UBXN4: variants seen among roughly 807,000 people sequenced by gnomAD.
The protein encoded by UBXN4 is UBX domain protein 4.
In UBXN4, 35 loss-of-function variants were observed where a neutral mutation model predicts 66.2. The observed-to-expected ratio is 0.53, with a 90% CI of 0.40 to 0.70. The LOEUF (loss-of-function observed/expected upper bound fraction) is 0.70. UBXN4 is among the 30% of genes least tolerant of loss of function. The pLI is 0.00. For synonymous variants in UBXN4, 203 were observed against 204.5 expected, an observed-to-expected ratio of 0.99 and a Z score of 0.06; for missense variants, 533 against 599.8, an observed-to-expected ratio of 0.89 and a Z score of 1.16.
chr2:135,744,290 C>T (rs1176529842), intron 1 of UBXN4, among the ~76,000 whole-genome samples: 4 of 152,100 alleles, frequency 2.6e-5, no homozygotes, highest in Non-Finnish European at 5.9e-5. Flanking sequence ...AAGTGGGAAA[C>T]GTTTTAGGCA....
At chr2:135,751,247 C>A (rs1479710088) in intron 2 of UBXN4, among the ~76,000 whole-genome samples, 1 of 151,174 alleles carries the variant, frequency 6.6e-6, no homozygotes, top group Non-Finnish European at 1.5e-5. Context: ...AGTGCAGTAA[C>A]GTGATCTTGG....
At chr2:135,748,413 G>A in intron 2 of UBXN4, 44 bp downstream of exon 2, 1 of 1,389,504 alleles carries the variant, frequency 7.2e-7, no homozygotes, top group South Asian at 1.5e-5. Context: ...AAATTTATAA[G>A]TATTGTCTTT....
chr2:135,754,947 C>T (rs899947561), intron 4 of UBXN4, among the ~76,000 whole-genome samples: 3 of 151,980 alleles, frequency 2.0e-5, no homozygotes, highest in Admixed American at 1.3e-4. Flanking sequence ...CCATGCCCAG[C>T]TAATTTTTGC....
intron 9 of UBXN4, 81 bp from the exon 10 acceptor site, chr2:135,776,168 C>T: frequency 2.5e-6 from 3 of 1,185,494 alleles, no homozygotes; most frequent in Non-Finnish European, 3.6e-6. Flanking sequence ...CACATTTCCA[C>T]TTCCATTTTC....
chr2:135,745,875 C>CTTTTTTTCTTTTTTTTT (rs2077204414), intron 1 of UBXN4, among the ~76,000 whole-genome samples: 1 of 74,396 alleles, frequency 1.3e-5, no homozygotes, highest in Non-Finnish European at 2.3e-5. Flanking sequence ...GTCCCGTTTA[C>CTTTTTTTCTTTTTTTTT]TTTTTTTTTT....
chr2:135,742,150 C>A, intron 1 of UBXN4, 139 bp downstream of exon 1: 1 of 1,006,016 alleles, frequency 9.9e-7, no homozygotes, highest in Non-Finnish European at 1.4e-6. Flanking sequence ...TACTACCCCG[C>A]GCCCCAGGGA....
chr2:135,751,483 T>C (rs1387724535), intron 2 of UBXN4, among the ~76,000 whole-genome samples: 1 of 151,640 alleles, frequency 6.6e-6, no homozygotes, highest in Non-Finnish European at 1.5e-5. Context: ...CCATCGTGCC[T>C]GGCCTTAAAA....
chr2:135,748,282 C>T lies in UBXN4; in HGVS notation c.98C>T (p.Ser33Phe). The T allele has an allele frequency of 6.2e-7, 1 of 1,604,248 alleles. No homozygotes were observed. The highest frequency in any genetic ancestry group is 1.1e-5 in the South Asian group (1 of 88,620). The change falls in exon 2 of 13, where the codon TCT becomes TTT. Residue 33 changes from serine to phenylalanine, a missense_variant. Around this residue, in one of 2 missense-constraint regions of UBXN4, gnomAD observed 529 missense variants for 580.1 expected, o/e 0.91. Transcript: ENST00000272638. ...VVFVAGDDEQSTQMAASWEDD... is the reference protein window; with the variant it reads ...VVFVAGDDEQFTQMAASWEDD... ...TGTTTTACAGGTGATGATGAACAGT[C>T]TACACAGATGGCTGCAAGTTGGGAA...
At chr2:135,753,313 C>G (rs375354206) in intron 2 of UBXN4, among the ~76,000 whole-genome samples, 27 of 152,272 alleles carry the variant, frequency 1.8e-4, no homozygotes, top group African/African-American at 5.3e-4. Context: ...CATGAGCCAC[C>G]ATGCCAAGCC....
At chr2:135,772,174 T>C (rs1166915173) in intron 8 of UBXN4, among the ~76,000 whole-genome samples, 1 of 151,234 alleles carries the variant, frequency 6.6e-6, no homozygotes, top group Admixed American at 6.6e-5. Flanking sequence ...GAAAAAAAAT[T>C]AGCTGGGCAT....
intron 5 of UBXN4, among the ~76,000 whole-genome samples, chr2:135,757,490 G>A (rs1403269952): frequency 6.6e-6 from 1 of 151,970 alleles, no homozygotes; most frequent in East Asian, 1.9e-4. Context: ...AGTTATAATG[G>A]CTGCTTTAAA....
rs1285646568 is a variant in UBXN4 at position 135,784,698 on chromosome 2, T to C, written c.*1811T>C. On this transcript the variant is annotated 3_prime_UTR_variant, in exon 13 of 13. Coordinates refer to ENST00000272638, the MANE Select transcript of UBXN4 (RefSeq NM_014607.4). ...CTTTTTAAAAAAGCTGTCAAATAGG[T>C]GTGACCCTACTAATAATTATTAGAA... 6.6e-6 allele frequency: 1 copy of C among 152,604 alleles called. No individual in the cohort carries two copies. Among genetic ancestry groups the C allele is most frequent in the Non-Finnish European group, 1.5e-5 (1 of 68,008 alleles). 9.5% of individuals were successfully genotyped at this position (152,604 alleles called of 1,614,324 possible). A position where few individuals can be genotyped will look rare whatever the true frequency, so the allele number is the denominator to read the frequency against.
At chr2:135,770,786 A>G (rs1464407279) in intron 8 of UBXN4, 51 bp downstream of exon 8, 2 of 1,405,544 alleles carry the variant, frequency 1.4e-6, no homozygotes, top group Non-Finnish European at 1.9e-6. Context: ...TGTGCACAGT[A>G]GCTTTAGATT....
chr2:135,754,059 A>C, intron 3 of UBXN4, 100 bp from the exon 4 acceptor site: 1 of 849,032 alleles, frequency 1.2e-6, no homozygotes, highest in South Asian at 1.7e-5. Flanking sequence ...TTATATTGTG[A>C]AAATCACAAA....
rs2077187724 is a variant in UBXN4 at position 135,743,147 on chromosome 2, CTT to C, written c.82+1138_82+1139del. 3.3e-5 allele frequency among the ~76,000 whole-genome samples: 5 copies of C among 152,158 alleles called. 1 individual carries two copies. In the South Asian group the frequency reaches 1.0e-3, roughly 32 times the overall value. Reference sequence around the variant, plus strand: ...AACTCGTCTTTTAATAGCTCTATAACTTTATGCACTGCAGTGAAGAACGAATT... The same window carrying C: ...AACTCGTCTTTTAATAGCTCTATAACTATGCACTGCAGTGAAGAACGAATT... On this transcript the variant is annotated intron_variant, in intron 1 of 12. Coordinates refer to ENST00000272638, the MANE Select transcript of UBXN4 (RefSeq NM_014607.4).
chr2:135,772,533 T>G lies in UBXN4; in HGVS notation c.936T>G (p.Tyr312Ter), dbSNP rs757159961. 1 of 1,613,776 alleles carries G rather than the reference T, an allele frequency of 6.2e-7. No homozygotes were observed. The highest frequency in any genetic ancestry group is 1.7e-5 in the Admixed American group (1 of 60,004). The change falls in exon 9 of 13, where the codon TAT becomes TAG. Residue 312 changes from tyrosine to a stop codon, truncating the protein, a stop_gained. Transcript: ENST00000272638. LOFTEE classifies it high-confidence loss of function. ...AAATGGAAGTCAAGAGGGAATCTTA[T>G]GCAAGAGAAAGAAGGTACTATATTT... is the stretch of plus-strand genomic sequence containing the variant. Reference protein sequence around the residue: ...QAEMEVKRESYARERSTVARI... With the variant: ...QAEMEVKRES
intron 3 of UBXN4, chr2:135,753,847 A>G: frequency 2.3e-6 from 1 of 442,360 alleles, no homozygotes; most frequent in East Asian, 4.0e-5. Context: ...ATATCTGAAA[A>G]ACAATATAGA....
chr2:135,762,057 C>T lies in UBXN4; in HGVS notation c.602+146C>T, dbSNP rs2105499963. 5.2e-6 allele frequency: 4 copies of T among 771,778 alleles called. No homozygotes were observed. The South Asian group carries it at 5.8e-5, about 11-fold the overall frequency. 47.8% of individuals were successfully genotyped at this position (771,778 alleles called of 1,614,324 possible). On this transcript the variant is annotated intron_variant, in intron 6 of 12. Transcript: ENST00000272638. ...TTTTGATCACCTAACTAATTTGTAT[C>T]CATAAACATTACACTCTAAGTGTAA... is the stretch of plus-strand genomic sequence containing the variant.
At chr2:135,780,478 A>G (rs1247036175) in intron 12 of UBXN4, 93 bp downstream of exon 12, 2 of 1,204,646 alleles carry the variant, frequency 1.7e-6, no homozygotes, top group African/African-American at 1.5e-5. Flanking sequence ...CTTTCTGTAT[A>G]TGTCCTCTCC....
Sources: gnomAD v4.1 joint callset for allele counts (sites outside exome capture counted in the v4.1 genomes callset) on GRCh38, gnomAD v4.1.1 for gene constraint, gnomAD v4.1.1 regional missense constraint, MANE v1.5 for transcripts, NCBI Gene and HGNC (gene_info 2026-07-23, HGNC 2026-07-21) for gene names.